The following FHIT variants were observed in gnomAD, a reference collection of about 807,000 sequenced individuals.
FHIT encodes the protein fragile histidine triad diadenosine triphosphatase, also known as bis(5'-adenosyl)-triphosphatase.
Under a neutral mutation model 17.9 loss-of-function variants are expected in FHIT, and 19 were observed. That is an observed-to-expected ratio of 1.06 (90% CI 0.74 to 1.56). The LOEUF is 1.56. Among genes scored for constraint, FHIT ranks in the 40% most tolerant of loss-of-function variants. The pLI, the probability that FHIT is intolerant of heterozygous loss-of-function variation, is 0.00. For synonymous variants in FHIT, 81 were observed against 69.7 expected, an observed-to-expected ratio of 1.16 and a Z score of -0.81; for missense variants, 248 against 189.2, an observed-to-expected ratio of 1.31 and a Z score of -1.82.
At chr3:60,590,373 C>T (rs970485352) in intron 4 of FHIT, among the ~76,000 whole-genome samples, 7 of 151,996 alleles carry the variant, frequency 4.6e-5, no homozygotes, top group Admixed American at 1.3e-4. Flanking sequence ...CCCCTCCTTG[C>T]CCACCACTTT....
intron 1 of FHIT, among the ~76,000 whole-genome samples, chr3:61,248,523 G>C (rs1412903391): frequency 1.3e-5 from 2 of 152,148 alleles, no homozygotes; most frequent in African/African-American, 4.8e-5. Context: ...ATAGATTTCT[G>C]AGAGTTCATA....
intron 8 of FHIT, among the ~76,000 whole-genome samples, chr3:59,868,955 GAC>G (rs1333617356): frequency 6.6e-6 from 1 of 152,184 alleles, no homozygotes; most frequent in African/African-American, 2.4e-5. Flanking sequence ...GTGGCCAAGG[GAC>G]AGTGTAGCTT....
intron 4 of FHIT, among the ~76,000 whole-genome samples, chr3:60,666,074 T>C (rs1043145781): frequency 6.6e-6 from 1 of 152,168 alleles, no homozygotes; most frequent in Non-Finnish European, 1.5e-5. Flanking sequence ...TTCAATAACA[T>C]TGAATTGAGT....
chr3:60,124,475 C>T (rs192534391), intron 5 of FHIT, among the ~76,000 whole-genome samples: 356 of 152,260 alleles, frequency 2.3e-3, no homozygotes, highest in Non-Finnish European at 4.1e-3. Context: ...AGCCCATGCT[C>T]ATCTGAAATA....
chr3:60,605,887 G>A (rs543169932), intron 4 of FHIT, among the ~76,000 whole-genome samples: 1 of 152,126 alleles, frequency 6.6e-6, no homozygotes, highest in Non-Finnish European at 1.5e-5. Flanking sequence ...CTTTGAACAT[G>A]TGAATGTCCT....
At chr3:61,037,280 G>C (rs1430978541) in intron 3 of FHIT, among the ~76,000 whole-genome samples, 2 of 152,104 alleles carry the variant, frequency 1.3e-5, no homozygotes, top group African/African-American at 2.4e-5. Flanking sequence ...GTTATGCTTG[G>C]CTCTGGTGTC....
intron 5 of FHIT, among the ~76,000 whole-genome samples, chr3:60,097,122 A>G (rs913871833): frequency 6.6e-6 from 1 of 151,934 alleles, no homozygotes; most frequent in Non-Finnish European, 1.5e-5. Flanking sequence ...ATACCCAAAT[A>G]TCAAGTAAGG....
At chr3:61,186,448 A>G (rs2038513179) in intron 2 of FHIT, among the ~76,000 whole-genome samples, 1 of 152,236 alleles carries the variant, frequency 6.6e-6, no homozygotes, top group African/African-American at 2.4e-5. Context: ...GAATACAGTT[A>G]GTCTCTATCA....
chr3:59,832,073 C>A (rs1045305581), intron 8 of FHIT, among the ~76,000 whole-genome samples: 4 of 152,108 alleles, frequency 2.6e-5, no homozygotes, highest in African/African-American at 4.8e-5. Context: ...CACTTGCCCC[C>A]CCATGATGTG....
At chr3:60,716,225 A>G (rs1298476759) in intron 4 of FHIT, among the ~76,000 whole-genome samples, 3 of 152,054 alleles carry the variant, frequency 2.0e-5, no homozygotes, top group African/African-American at 7.2e-5. Flanking sequence ...AGCCTGGGCA[A>G]CAGAGTAAGA....
chr3:61,166,504 C>T (rs1178125128), intron 2 of FHIT, among the ~76,000 whole-genome samples: 3 of 152,182 alleles, frequency 2.0e-5, no homozygotes, highest in Non-Finnish European at 4.4e-5. Flanking sequence ...TCTCTACTTA[C>T]AAACCTCACA....
At chr3:60,760,621 C>A (rs1377993989) in intron 4 of FHIT, among the ~76,000 whole-genome samples, 6 of 151,946 alleles carry the variant, frequency 3.9e-5, no homozygotes, top group African/African-American at 1.5e-4. Context: ...TCTACTTAGC[C>A]CATGAGGAGT....
At chr3:59,979,221 C>T (rs1453453444) in intron 7 of FHIT, among the ~76,000 whole-genome samples, 1 of 152,124 alleles carries the variant, frequency 6.6e-6, no homozygotes, top group African/African-American at 2.4e-5. Flanking sequence ...GAAATTCCAA[C>T]CTTGGTCTTG....
At chr3:60,110,348 G>A (rs997086155) in intron 5 of FHIT, among the ~76,000 whole-genome samples, 3 of 152,034 alleles carry the variant, frequency 2.0e-5, no homozygotes, top group Non-Finnish European at 4.4e-5. Flanking sequence ...TTTCTTCCAT[G>A]GAGCACAAAG....
chr3:60,869,543 C>T (rs962669305), intron 3 of FHIT, among the ~76,000 whole-genome samples: 5 of 152,148 alleles, frequency 3.3e-5, no homozygotes, highest in Admixed American at 6.6e-5. Flanking sequence ...TCTCTGAATT[C>T]CAAATTTCAG....
intron 5 of FHIT, among the ~76,000 whole-genome samples, chr3:60,075,109 C>T (rs1702946311): frequency 6.6e-6 from 1 of 152,110 alleles, no homozygotes; most frequent in South Asian, 2.1e-4. Context: ...ACCAAAGTTC[C>T]TATGACCAGA....
chr3:59,981,189 A>G (rs1360416332), intron 7 of FHIT, among the ~76,000 whole-genome samples: 2 of 152,192 alleles, frequency 1.3e-5, no homozygotes, highest in African/African-American at 4.8e-5. Flanking sequence ...CATCTCATGG[A>G]AATGGAGTTT....
chr3:59,977,626 G>A (rs1452688378), intron 7 of FHIT, among the ~76,000 whole-genome samples: 1 of 152,146 alleles, frequency 6.6e-6, no homozygotes, highest in Non-Finnish European at 1.5e-5. Context: ...AGTCAGCCGC[G>A]TTGCAGTCAT....
chr3:59,939,702 A>G (rs577996823), intron 7 of FHIT, among the ~76,000 whole-genome samples: 8 of 152,304 alleles, frequency 5.3e-5, no homozygotes, highest in Middle Eastern at 3.4e-3. Flanking sequence ...CATTAAGGTG[A>G]TTAGCCAACA....
Sources: gnomAD v4.1 joint callset for allele counts (sites outside exome capture counted in the v4.1 genomes callset) on GRCh38, gnomAD v4.1.1 for gene constraint, MANE v1.5 for transcripts, NCBI Gene and HGNC (gene_info 2026-07-23, HGNC 2026-07-21) for gene names.